RICTOR: variants seen among roughly 807,000 people sequenced by gnomAD.
RICTOR encodes the protein RPTOR independent companion of MTOR complex 2.
A neutral mutation model predicts 214.9 loss-of-function variants in RICTOR; 49 were observed. That is an observed-to-expected ratio of 0.23 (90% confidence interval 0.18 to 0.29). The LOEUF is 0.29. RICTOR is among the 10% of genes least tolerant of loss of function. The pLI, the probability that RICTOR is intolerant of heterozygous loss-of-function variation, is 1.00. For missense variants in RICTOR, 1,625 were observed against 2,047.0 expected, an observed-to-expected ratio of 0.79 and a Z score of 3.98; for synonymous variants, 717 against 711.3, an observed-to-expected ratio of 1.01 and a Z score of -0.13.
At chr5:39,004,124 C>G (rs1332309713) in intron 3 of RICTOR, among the ~76,000 whole-genome samples, 1 of 152,034 alleles carries the variant, frequency 6.6e-6, no homozygotes, top group Non-Finnish European at 1.5e-5. Context: ...TATATTTATT[C>G]ACATATTTAC....
intron 10 of RICTOR, among the ~76,000 whole-genome samples, chr5:38,972,173 T>G (rs181395776): frequency 2.6e-5 from 4 of 152,356 alleles, no homozygotes; most frequent in East Asian, 3.9e-4. Flanking sequence ...ATTTCGTCAT[T>G]TAAATTCCAT....
intron 20 of RICTOR, among the ~76,000 whole-genome samples, 182 bp downstream of exon 20, chr5:38,960,216 A>C (rs1020270130): frequency 7.5e-5 from 1 of 13,282 alleles, no homozygotes; most frequent in African/African-American, 1.2e-4. Flanking sequence ...TAACTTGCCC[A>C]GTCTCATAAC....
rs200197475 is a variant in RICTOR at position 39,074,083 on chromosome 5, TCGCGGCGCC to T, written c.97+19_97+27del. On this transcript the variant is annotated intron_variant, in intron 2 of 37. Coordinates refer to ENST00000357387, the MANE Select transcript of RICTOR (RefSeq NM_152756.5). Reference sequence around the variant, plus strand: ...CCGGCTCCTCCCCAGCAGCGCGCCCTCGCGGCGCCCGCGGCGCCCCGCGTTACCTCGGGT... The same window carrying T: ...CCGGCTCCTCCCCAGCAGCGCGCCCTCGCGGCGCCCCGCGTTACCTCGGGT... 30,906 of 1,548,132 alleles carry T rather than the reference TCGCGGCGCC, an allele frequency of 0.02. 434 individuals carry two copies. The highest frequency in any genetic ancestry group is 0.021 in the Non-Finnish European group (24,218 of 1,148,354).
chr5:39,053,750 G>C (rs988731767), intron 2 of RICTOR, among the ~76,000 whole-genome samples: 4 of 150,274 alleles, frequency 2.7e-5, no homozygotes, highest in Non-Finnish European at 5.9e-5. Flanking sequence ...AAATTAGCCG[G>C]GCGAGGTGGC....
At chr5:38,966,495 G>C in intron 15 of RICTOR, 146 bp downstream of exon 15, 1 of 610,000 alleles carries the variant, frequency 1.6e-6, no homozygotes. Context: ...ACAGTACCAA[G>C]GGCTTTTTCT....
rs3214763 is a variant in RICTOR at position 38,941,325 on chromosome 5, G to T, written c.*979C>A. The T allele has an allele frequency of 2.2e-4, 19 of 87,736 alleles. No individual in the cohort carries two copies. Among genetic ancestry groups the T allele is most frequent in the East Asian group, 9.5e-4 (4 of 4,202 alleles). 5.4% of individuals were successfully genotyped at this position (87,736 alleles called of 1,614,324 possible). A position where few individuals can be genotyped will look rare whatever the true frequency, so the allele number is the denominator to read the frequency against. On this transcript the variant is annotated 3_prime_UTR_variant, in exon 38 of 38. Transcript: ENST00000357387. ...TTTCTCAATAACAAGCTTTATTAAT[G>T]TTTTTTTTAAGGAAATATGGCTCTT... is the stretch of plus-strand genomic sequence containing the variant.
chr5:39,047,907 T>C (rs1196990657), intron 2 of RICTOR, among the ~76,000 whole-genome samples: 1 of 152,174 alleles, frequency 6.6e-6, no homozygotes, highest in African/African-American at 2.4e-5. Flanking sequence ...AGACACAAAA[T>C]ATGTAGTGAA....
At chr5:38,998,961 A>G (rs879906649) in intron 5 of RICTOR, among the ~76,000 whole-genome samples, 2 of 144,880 alleles carry the variant, frequency 1.4e-5, no homozygotes, top group Non-Finnish European at 3.0e-5. Context: ...GGTTGCAGTG[A>G]GCCGAGATTG....
At position 38,950,231 on chromosome 5, in the gene RICTOR, T is replaced by C. The variant is rs1389521870; in HGVS notation, c.3617A>G (p.Glu1206Gly). The C allele has an allele frequency of 6.2e-7, 1 of 1,613,504 alleles. No homozygotes were observed. Among genetic ancestry groups the C allele is most frequent in the East Asian group, 2.2e-5 (1 of 44,880 alleles). Residue 1206 changes from glutamate to glycine, a missense_variant, in exon 31 of 38, where the codon GAA becomes GGA. Physicochemically the swap from Glu to Gly is moderately conservative, Grantham distance 98. Transcript: ENST00000357387. ...CTTCATATGTGAGCTCGTTGAACTT[T>C]CTACTACTAACCTCTCTCGGCTTGT... Reference protein sequence around the residue: ...ENTSRERLVVESSTSSHMKIR... With the variant: ...ENTSRERLVVGSSTSSHMKIR...
chr5:38,987,715 G>A (rs1369524633), intron 7 of RICTOR, among the ~76,000 whole-genome samples: 2 of 151,550 alleles, frequency 1.3e-5, no homozygotes, highest in Non-Finnish European at 2.9e-5. Flanking sequence ...TTCAGTTCTT[G>A]TTTGATCTCA....
intron 2 of RICTOR, among the ~76,000 whole-genome samples, chr5:39,070,169 A>G (rs1419288696): frequency 1.3e-5 from 2 of 152,244 alleles, no homozygotes; most frequent in Non-Finnish European, 2.9e-5. Flanking sequence ...TGGAAAATAA[A>G]AAGTTAGAGT....
At chr5:39,020,099 A>G (rs1755284155) in intron 3 of RICTOR, among the ~76,000 whole-genome samples, 1 of 152,200 alleles carries the variant, frequency 6.6e-6, no homozygotes, top group Non-Finnish European at 1.5e-5. Context: ...AATCTCATGA[A>G]AAAAGCTTTA....
At chr5:39,016,338 G>C (rs79183652) in intron 3 of RICTOR, among the ~76,000 whole-genome samples, 4 of 147,634 alleles carry the variant, frequency 2.7e-5, no homozygotes, top group Non-Finnish European at 4.5e-5. Context: ...GAGAAGGGGG[G>C]AGAGGGAACT....
At position 39,003,697 on chromosome 5, in the gene RICTOR, A is replaced by G; in HGVS notation, c.196-75T>C. On this transcript the variant is annotated intron_variant, in intron 3 of 37. Transcript: ENST00000357387. ...ATATTTATATACATTATATATTTAC[A>G]CTGGAAAATAAGGTATTTTTATGGA... 4 of 814,816 alleles carry G rather than the reference A, an allele frequency of 4.9e-6. No individual in the cohort carries two copies. The South Asian group carries it at 7.4e-5, about 15-fold the overall frequency. The allele number at this position is 814,816 out of a possible 1,614,324, so 50.5% of individuals were successfully genotyped here.
rs1747461050 is a variant in RICTOR, at chr5:38,940,639, C to A, written c.*1665G>T. 4.3e-6 allele frequency: 1 copy of A among 232,800 alleles called. No individual in the cohort carries two copies. Among genetic ancestry groups the A allele is most frequent in the African/African-American group, 2.2e-5 (1 of 45,310 alleles). The allele number at this position is 232,800 out of a possible 1,614,324, so 14.4% of individuals were successfully genotyped here. On this transcript the variant is annotated 3_prime_UTR_variant, in exon 38 of 38. Coordinates refer to ENST00000357387, the MANE Select transcript of RICTOR (RefSeq NM_152756.5). ...ATAAGCAGCAGCTTACAGCCCTTAT[C>A]TGCTTTGTTATAATGTAAGTTGCTA...
intron 5 of RICTOR, among the ~76,000 whole-genome samples, chr5:38,998,249 G>T (rs1753323246): frequency 6.6e-6 from 1 of 152,290 alleles, no homozygotes; most frequent in Middle Eastern, 3.4e-3. Flanking sequence ...CAACAATTGT[G>T]TTTTTTTGTT....
chr5:39,072,602 G>T (rs898207603), intron 2 of RICTOR, among the ~76,000 whole-genome samples: 3 of 152,080 alleles, frequency 2.0e-5, no homozygotes, highest in African/African-American at 7.2e-5. Context: ...TGAAATTGTA[G>T]AAGTTATCCT....
At chr5:39,072,665 T>C (rs533636994) in intron 2 of RICTOR, among the ~76,000 whole-genome samples, 1 of 152,340 alleles carries the variant, frequency 6.6e-6, no homozygotes, top group African/African-American at 2.4e-5. Flanking sequence ...CACATGTGTG[T>C]TATAGTCAAG....
intron 2 of RICTOR, among the ~76,000 whole-genome samples, chr5:39,058,879 T>C (rs1393643727): frequency 6.6e-6 from 1 of 152,126 alleles, no homozygotes; most frequent in Non-Finnish European, 1.5e-5. Context: ...TATAAATAAT[T>C]TGATTATTTT....
Sources: allele counts gnomAD v4.1 joint callset (sites outside exome capture counted in the v4.1 genomes callset), GRCh38; gene constraint gnomAD v4.1.1; transcripts MANE v1.5; gene names NCBI Gene and HGNC (gene_info 2026-07-23, HGNC 2026-07-21).